The following DPY19L3 variants were observed in gnomAD, a reference collection of about 807,000 sequenced individuals.
DPY19L3 encodes the protein dpy-19 like C-mannosyltransferase 3.
Under a neutral mutation model 92.3 loss-of-function variants are expected in DPY19L3, and 51 were observed. The ratio of observed to expected loss-of-function variants is 0.55; its 90% CI spans 0.44 to 0.70. The LOEUF (loss-of-function observed/expected upper bound fraction) is 0.70, where lower values mean the gene tolerates loss of function less well. Ranked by LOEUF, DPY19L3 falls within the 30% of genes least tolerant of loss-of-function variation. DPY19L3 has a pLI of 0.00. For synonymous variants in DPY19L3, 309 were observed against 315.2 expected, an observed-to-expected ratio of 0.98 and a Z score of 0.21; for missense variants, 706 against 855.9, an observed-to-expected ratio of 0.82 and a Z score of 2.18.
intron 10 of DPY19L3, among the ~76,000 whole-genome samples, chr19:32,456,443 CT>C (rs560654738): frequency 5.2e-4 from 75 of 144,480 alleles, no homozygotes; most frequent in Middle Eastern, 3.6e-3. Flanking sequence ...ATTTTTTTTG[CT>C]TTTTTTTTTT....
chr19:32,477,919 T>TA (rs1279410344), intron 17 of DPY19L3, among the ~76,000 whole-genome samples: 1 of 152,260 alleles, frequency 6.6e-6, no homozygotes. Context: ...AGTCATGTCA[T>TA]ACATGGGTGG....
At chr19:32,465,615 C>T (rs1206993975) in intron 15 of DPY19L3, among the ~76,000 whole-genome samples, 3 of 152,094 alleles carry the variant, frequency 2.0e-5, no homozygotes, top group Admixed American at 6.6e-5. Flanking sequence ...TGGGACCTCC[C>T]GCAGAGAGGA....
intron 3 of DPY19L3, among the ~76,000 whole-genome samples, chr19:32,431,896 T>G (rs1476793953): frequency 6.6e-6 from 1 of 152,200 alleles, no homozygotes; most frequent in Non-Finnish European, 1.5e-5. Flanking sequence ...ATAAAAAATA[T>G]GACATACCAT....
At chr19:32,419,265 A>G (rs1968483129) in intron 3 of DPY19L3, among the ~76,000 whole-genome samples, 2 of 148,790 alleles carry the variant, frequency 1.3e-5, no homozygotes, top group South Asian at 4.3e-4. Flanking sequence ...GGTTCGCGCC[A>G]TTCTCCTGCC....
At position 32,429,778 on chromosome 19, in the gene DPY19L3, ATGT is replaced by A. The variant is rs71176124; in HGVS notation, c.238-2924_238-2922del. 6.2e-3 allele frequency among the ~76,000 whole-genome samples: 949 copies of A among 152,054 alleles called. 14 individuals carry two copies. Among genetic ancestry groups the A allele is most frequent in the African/African-American group, 0.021 (853 of 41,458 alleles). ...AGAGAAAAGAAAAATAATGTAATTA[ATGT>A]TGTTGTTGTTGTTCTTAATTTGCAT... On this transcript the variant is annotated intron_variant, in intron 3 of 18. Coordinates refer to ENST00000392250, the MANE Select transcript of DPY19L3 (RefSeq NM_001172774.2).
chr19:32,478,947 G>A (rs1213490498), intron 17 of DPY19L3, among the ~76,000 whole-genome samples: 2 of 67,484 alleles, frequency 3.0e-5, no homozygotes, highest in African/African-American at 5.9e-5. Flanking sequence ...AGTGTAGATC[G>A]AGAGATGTTA....
chr19:32,418,464 G>A (rs1248782412), intron 3 of DPY19L3, among the ~76,000 whole-genome samples: 1 of 152,206 alleles, frequency 6.6e-6, no homozygotes, highest in Non-Finnish European at 1.5e-5. Context: ...CACTTGAAAT[G>A]GGGTAGTACA....
intron 4 of DPY19L3, 71 bp from the exon 5 acceptor site, chr19:32,436,375 G>A: frequency 2.5e-6 from 3 of 1,215,096 alleles, no homozygotes; most frequent in South Asian, 3.8e-5. Flanking sequence ...TAAACAATCT[G>A]TGCATAGTTT....
chr19:32,455,111 C>CT (rs1258143471), intron 10 of DPY19L3, 71 bp downstream of exon 10: 8 of 1,035,868 alleles, frequency 7.7e-6, no homozygotes, highest in Non-Finnish European at 1.1e-5. Flanking sequence ...ATTTTTGAAA[C>CT]TTTCTTTTTC....
intron 3 of DPY19L3, among the ~76,000 whole-genome samples, chr19:32,427,416 C>A (rs1968803192): frequency 6.6e-6 from 1 of 152,210 alleles, no homozygotes; most frequent in Admixed American, 6.5e-5. Context: ...TGGCTATAAG[C>A]ACCAACATCA....
chr19:32,451,466 C>T (rs1323849873), intron 8 of DPY19L3, among the ~76,000 whole-genome samples: 1 of 152,122 alleles, frequency 6.6e-6, no homozygotes, highest in African/African-American at 2.4e-5. Flanking sequence ...CCCTGAGTTC[C>T]CATTGACACT....
At chr19:32,432,665 A>G (rs1969007884) in intron 3 of DPY19L3, 51 bp from the exon 4 acceptor site, 1 of 1,499,648 alleles carries the variant, frequency 6.7e-7, no homozygotes, top group African/African-American at 1.4e-5. Context: ...AACAATATGT[A>G]TTTAAACAAA....
chr19:32,479,578 C>T (rs1029288068), intron 17 of DPY19L3: 1 of 431,360 alleles, frequency 2.3e-6, no homozygotes, highest in Non-Finnish European at 4.6e-6. Context: ...GTGGACACAT[C>T]AAGTTAGACC....
chr19:32,445,089 AAAAC>A (rs1410980256), intron 8 of DPY19L3, among the ~76,000 whole-genome samples: 1 of 151,322 alleles, frequency 6.6e-6, no homozygotes, highest in African/African-American at 2.4e-5. Context: ...AAAAAAAAAA[AAAAC>A]AAAAAACAAT....
chr19:32,470,895 T>C (rs1970339495), intron 16 of DPY19L3, among the ~76,000 whole-genome samples: 1 of 147,732 alleles, frequency 6.8e-6, no homozygotes, highest in African/African-American at 2.5e-5. Flanking sequence ...ATTCTTCAAA[T>C]CTAAATAATA....
chr19:32,441,316 T>C (rs1969315562), intron 8 of DPY19L3, among the ~76,000 whole-genome samples: 1 of 152,152 alleles, frequency 6.6e-6, no homozygotes, highest in South Asian at 2.1e-4. Flanking sequence ...TGCAATCAAA[T>C]ATTATATAAC....
chr19:32,430,266 G>A (rs1025470095), intron 3 of DPY19L3, among the ~76,000 whole-genome samples: 4 of 152,026 alleles, frequency 2.6e-5, no homozygotes, highest in African/African-American at 9.7e-5. Flanking sequence ...GCATGTGCCT[G>A]TAATCCCAGC....
intron 8 of DPY19L3, among the ~76,000 whole-genome samples, chr19:32,452,373 G>A (rs1969729996): frequency 6.6e-6 from 1 of 152,218 alleles, no homozygotes; most frequent in Non-Finnish European, 1.5e-5. Context: ...GGAGGGGTTT[G>A]CAGTCTAATC....
chr19:32,477,489 A>C (rs373133403), intron 16 of DPY19L3, 33 bp from the exon 17 acceptor site: 1 of 1,613,406 alleles, frequency 6.2e-7, no homozygotes, highest in African/African-American at 1.3e-5. Context: ...ATCTCTTAAC[A>C]GTGGGGTTAA....
Sources: gnomAD v4.1 joint callset for allele counts (sites outside exome capture counted in the v4.1 genomes callset) on GRCh38, gnomAD v4.1.1 for gene constraint, MANE v1.5 for transcripts, NCBI Gene and HGNC (gene_info 2026-07-23, HGNC 2026-07-21) for gene names.